The following LDLRAD3 variants were observed in gnomAD, a reference collection of about 807,000 sequenced individuals.
The protein encoded by LDLRAD3 is low density lipoprotein receptor class A domain containing 3.
Under a neutral mutation model 29.4 loss-of-function variants are expected in LDLRAD3, and 20 were observed. The observed-to-expected ratio is 0.68, with a 90% CI of 0.48 to 0.99. The LOEUF (loss-of-function observed/expected upper bound fraction) is 0.99. LDLRAD3 is among the 50% of genes least tolerant of loss of function. LDLRAD3 has a pLI of 0.00. For synonymous variants in LDLRAD3, 157 were observed against 192.7 expected, an observed-to-expected ratio of 0.81 and a Z score of 1.53; for missense variants, 420 against 454.3, an observed-to-expected ratio of 0.92 and a Z score of 0.69.
At chr11:36,053,909 A>G (rs547410144) in intron 2 of LDLRAD3, among the ~76,000 whole-genome samples, 96 of 150,520 alleles carry the variant, frequency 6.4e-4, no homozygotes, top group African/African-American at 2.3e-3. Context: ...CTATGCCCAC[A>G]GACAAGGTGA....
intron 4 of LDLRAD3, among the ~76,000 whole-genome samples, chr11:36,199,157 A>C (rs11033490): frequency 0.37 from 56,254 of 151,996 alleles, 10,551 homozygotes; most frequent in East Asian, 0.51. Flanking sequence ...ACCTTGGCCT[A>C]CCAAAGAGCT....
intron 1 of LDLRAD3, among the ~76,000 whole-genome samples, chr11:35,957,469 G>A (rs1851217396): frequency 1.3e-5 from 2 of 152,178 alleles, no homozygotes; most frequent in Admixed American, 1.3e-4. Flanking sequence ...TGAGAATCCA[G>A]TTGGAATCGT....
intron 4 of LDLRAD3, among the ~76,000 whole-genome samples, chr11:36,119,445 C>T (rs1277872046): frequency 2.0e-5 from 3 of 151,714 alleles, no homozygotes; most frequent in Non-Finnish European, 4.4e-5. Context: ...ACATTCCTAC[C>T]AGCAGTGCAT....
intron 2 of LDLRAD3, among the ~76,000 whole-genome samples, chr11:36,069,062 T>C (rs952908201): frequency 1.3e-5 from 2 of 152,224 alleles, no homozygotes; most frequent in African/African-American, 4.8e-5. Context: ...TAGGAAGAAA[T>C]AATACATTGC....
At chr11:36,094,650 C>G (rs933092569) in intron 3 of LDLRAD3, among the ~76,000 whole-genome samples, 13 of 152,310 alleles carry the variant, frequency 8.5e-5, no homozygotes, top group East Asian at 3.9e-4. Flanking sequence ...ATACTCCTGC[C>G]TCAGCCTCCC....
intron 4 of LDLRAD3, among the ~76,000 whole-genome samples, chr11:36,220,760 A>G (rs1181574825): frequency 6.6e-6 from 1 of 152,172 alleles, no homozygotes; most frequent in African/African-American, 2.4e-5. Flanking sequence ...GACCACAAGA[A>G]GCACAAAATA....
intron 4 of LDLRAD3, among the ~76,000 whole-genome samples, chr11:36,158,426 C>A (rs1244632017): frequency 6.6e-6 from 1 of 152,082 alleles, no homozygotes; most frequent in Non-Finnish European, 1.5e-5. Context: ...CAGGTGCCAC[C>A]CTCTCAAGGA....
chr11:36,021,046 C>A (rs2133197371), intron 1 of LDLRAD3, among the ~76,000 whole-genome samples: 1 of 152,166 alleles, frequency 6.6e-6, no homozygotes, highest in East Asian at 1.9e-4. Flanking sequence ...GTTCTACCAG[C>A]TGAGATGGCG....
intron 4 of LDLRAD3, among the ~76,000 whole-genome samples, chr11:36,146,724 T>TC (rs906539654): frequency 1.3e-5 from 2 of 149,100 alleles, no homozygotes; most frequent in African/African-American, 5.0e-5. Context: ...CCTGGCATTC[T>TC]CCCCGGAGTC....
At chr11:35,976,846 TTGTG>T (rs1431922287) in intron 1 of LDLRAD3, among the ~76,000 whole-genome samples, 1 of 151,956 alleles carries the variant, frequency 6.6e-6, no homozygotes, top group East Asian at 1.9e-4. Flanking sequence ...AGGTGTGTGT[TTGTG>T]TGTGTGTGCG....
At chr11:36,140,033 C>T (rs958191471) in intron 4 of LDLRAD3, among the ~76,000 whole-genome samples, 1 of 152,192 alleles carries the variant, frequency 6.6e-6, no homozygotes, top group Non-Finnish European at 1.5e-5. Context: ...AAGCACCATG[C>T]TAGGGAAAAG....
At chr11:36,119,823 T>C (rs1418378343) in intron 4 of LDLRAD3, among the ~76,000 whole-genome samples, 1 of 152,346 alleles carries the variant, frequency 6.6e-6, no homozygotes, top group East Asian at 1.9e-4. Flanking sequence ...CACACAAAGG[T>C]TTAATTTTGA....
intron 4 of LDLRAD3, among the ~76,000 whole-genome samples, chr11:36,143,659 T>A (rs753716783): frequency 9.9e-5 from 15 of 152,234 alleles, no homozygotes; most frequent in Non-Finnish European, 2.1e-4. Flanking sequence ...CTGGGTGGCT[T>A]AAATAACGGA....
chr11:35,947,808 T>C (rs970966592), intron 1 of LDLRAD3, among the ~76,000 whole-genome samples: 1 of 152,218 alleles, frequency 6.6e-6, no homozygotes, highest in Admixed American at 6.5e-5. Flanking sequence ...TCCTGCACCA[T>C]GCTTCCATGC....
At chr11:36,108,662 T>C (rs1488503272) in intron 4 of LDLRAD3, among the ~76,000 whole-genome samples, 1 of 152,022 alleles carries the variant, frequency 6.6e-6, no homozygotes, top group African/African-American at 2.4e-5. Flanking sequence ...AGAAGGATCC[T>C]TCCAGGCAGA....
At chr11:36,217,647 C>T (rs1225678682) in intron 4 of LDLRAD3, among the ~76,000 whole-genome samples, 1 of 152,202 alleles carries the variant, frequency 6.6e-6, no homozygotes, top group African/African-American at 2.4e-5. Flanking sequence ...GAAATTTATT[C>T]TCTCACAGTT....
chr11:36,040,437 G>T (rs1047581546), intron 2 of LDLRAD3, among the ~76,000 whole-genome samples: 3 of 152,008 alleles, frequency 2.0e-5, no homozygotes, highest in Non-Finnish European at 4.4e-5. Flanking sequence ...CAGTGTAATC[G>T]CCAGGGGTGT....
rs182979628 is a variant in LDLRAD3, at chr11:36,130,205, G to A, written c.454+31744G>A. 3.4e-3 allele frequency among the ~76,000 whole-genome samples: 516 copies of A among 152,228 alleles called. 2 individuals carry two copies. The highest frequency in any genetic ancestry group is 0.012 in the African/African-American group (486 of 41,538). On this transcript the variant is annotated intron_variant, in intron 4 of 5. Coordinates refer to ENST00000315571, the MANE Select transcript of LDLRAD3 (RefSeq NM_174902.4). ...TGTAGGACACGATAGTAGCACGGTG[G>A]GCTTCCCTGAGGAAGGGGCATTTGG...
At chr11:36,011,954 G>T (rs116496598) in intron 1 of LDLRAD3, among the ~76,000 whole-genome samples, 2 of 152,156 alleles carry the variant, frequency 1.3e-5, no homozygotes, top group Admixed American at 6.5e-5. Flanking sequence ...TAGTCTAACT[G>T]CATGACTGTG....
Sources: allele counts gnomAD v4.1 joint callset (sites outside exome capture counted in the v4.1 genomes callset), GRCh38; gene constraint gnomAD v4.1.1; transcripts MANE v1.5; gene names NCBI Gene and HGNC (gene_info 2026-07-23, HGNC 2026-07-21).